The following TEKTL1 variants were observed in gnomAD, a reference collection of about 807,000 sequenced individuals.
TEKTL1 encodes tektin-like protein 1.
chr19:15,021,100 C>G, the TEKTL1 span, among the ~76,000 whole-genome samples: 1 of 151,846 alleles, frequency 6.6e-6, no homozygotes. Context: ...AGGCTGGTCT[C>G]GAACTCCTGA....
chr19:15,013,691 G>C, the TEKTL1 span: 1 of 1,613,548 alleles, frequency 6.2e-7, no homozygotes, highest in South Asian at 1.1e-5. Flanking sequence ...AAAGCTGACA[G>C]TATGCTTACA....
At chr19:15,015,103 C>T in the TEKTL1 span, among the ~76,000 whole-genome samples, 33 of 152,202 alleles carry the variant, frequency 2.2e-4, no homozygotes, top group Admixed American at 5.9e-4. Flanking sequence ...AGGAGGATTG[C>T]TTGAATCCAG....
the TEKTL1 span, chr19:15,023,188 C>G: frequency 2.2e-6 from 3 of 1,390,036 alleles, no homozygotes; most frequent in Non-Finnish European, 2.9e-6. Context: ...GCAGACACAG[C>G]CCCATGGCCC....
chr19:15,017,580 G>A, the TEKTL1 span, among the ~76,000 whole-genome samples: 1 of 152,126 alleles, frequency 6.6e-6, no homozygotes, highest in African/African-American at 2.4e-5. Context: ...GAGACTTCAA[G>A]GCTAGAGGTG....
chr19:15,019,486 T>C, the TEKTL1 span, among the ~76,000 whole-genome samples: 7 of 152,206 alleles, frequency 4.6e-5, no homozygotes, highest in African/African-American at 1.7e-4. Context: ...AGCATCACAT[T>C]GCATGCCATA....
At chr19:15,020,012 C>CAAAA in the TEKTL1 span, among the ~76,000 whole-genome samples, 1,348 of 136,526 alleles carry the variant, frequency 9.9e-3, 23 homozygotes, top group African/African-American at 0.032. Flanking sequence ...TTACCAGTAT[C>CAAAA]AAAAAAAAAA....
the TEKTL1 span, among the ~76,000 whole-genome samples, chr19:15,015,516 T>C: frequency 6.7e-6 from 1 of 149,378 alleles, no homozygotes; most frequent in Non-Finnish European, 1.5e-5. Flanking sequence ...ATTTTTCCTC[T>C]GTCAATCCTA....
chr19:15,010,879 C>T, the TEKTL1 span: 1 of 1,555,278 alleles, frequency 6.4e-7, no homozygotes, highest in Non-Finnish European at 8.7e-7. Context: ...GCGTTGGGGC[C>T]CCAGCATGGC....
chr19:15,017,386 A>G, the TEKTL1 span, among the ~76,000 whole-genome samples: 3 of 152,340 alleles, frequency 2.0e-5, no homozygotes, highest in Non-Finnish European at 4.4e-5. Flanking sequence ...ATATATGTGC[A>G]AATGACTTGT....
At chr19:15,016,871 G>A in the TEKTL1 span, among the ~76,000 whole-genome samples, 1 of 152,128 alleles carries the variant, frequency 6.6e-6, no homozygotes, top group Non-Finnish European at 1.5e-5. Context: ...ACAAAAACAG[G>A]TCTGCCATCC....
the TEKTL1 span, among the ~76,000 whole-genome samples, chr19:15,016,391 T>C: frequency 6.8e-6 from 1 of 146,262 alleles, no homozygotes; most frequent in East Asian, 2.0e-4. Flanking sequence ...GGTTTCACCA[T>C]GTGCGCCAGG....
the TEKTL1 span, chr19:15,023,180 A>G: frequency 1.4e-6 from 2 of 1,464,744 alleles, no homozygotes; most frequent in Non-Finnish European, 1.8e-6. Context: ...CTCGGAGAGC[A>G]GACACAGCCC....
At chr19:15,021,517 A>G in the TEKTL1 span, 1 of 1,614,072 alleles carries the variant, frequency 6.2e-7, no homozygotes, top group Admixed American at 1.7e-5. Context: ...CTTGGAGCTG[A>G]AGGTGAGCGC....
At chr19:15,012,238 G>A in the TEKTL1 span, among the ~76,000 whole-genome samples, 53 of 151,998 alleles carry the variant, frequency 3.5e-4, no homozygotes, top group Non-Finnish European at 5.4e-4. Flanking sequence ...ACCAGCATGG[G>A]CAACACAGTG....
the TEKTL1 span, chr19:15,011,168 C>G: frequency 6.7e-7 from 1 of 1,500,840 alleles, no homozygotes; most frequent in Non-Finnish European, 8.8e-7. Context: ...ACCCTTGCAC[C>G]GCAAAGCGCG....
At chr19:15,016,325 G>A in the TEKTL1 span, among the ~76,000 whole-genome samples, 5 of 151,684 alleles carry the variant, frequency 3.3e-5, no homozygotes, top group African/African-American at 1.2e-4. Context: ...GAGTAGCTGG[G>A]ATTACAGGTG....
At chr19:15,020,352 A>C in the TEKTL1 span, 1 of 919,828 alleles carries the variant, frequency 1.1e-6, no homozygotes, top group South Asian at 1.7e-5. Flanking sequence ...TTAGAGGTAG[A>C]AATGCTTTAC....
the TEKTL1 span, chr19:15,022,773 C>T: frequency 7.8e-7 from 1 of 1,286,264 alleles, no homozygotes; most frequent in South Asian, 1.5e-5. Context: ...TTCCCCTCCT[C>T]AGCTGTGTTC....
At chr19:15,019,164 G>T in the TEKTL1 span, among the ~76,000 whole-genome samples, 1 of 152,056 alleles carries the variant, frequency 6.6e-6, no homozygotes, top group South Asian at 2.1e-4. Flanking sequence ...GCCCAGGCTG[G>T]TCTTGAACTC....
Sources: gnomAD v4.1 joint callset for allele counts (sites outside exome capture counted in the v4.1 genomes callset) on GRCh38, gnomAD v4.1.1 for gene constraint, MANE v1.5 for transcripts, NCBI Gene and HGNC (gene_info 2026-07-23, HGNC 2026-07-21) for gene names.